Variants in WAC observed in about 807,000 individuals in gnomAD.
The protein encoded by WAC is WW domain containing adaptor with coiled-coil.
Under a neutral mutation model 79.6 loss-of-function variants are expected in WAC, and 11 were observed. The ratio of observed to expected loss-of-function variants is 0.14; its 90% CI spans 0.09 to 0.23. The LOEUF is 0.23. WAC is among the 10% of genes least tolerant of loss of function. The pLI is 1.00. For synonymous variants in WAC, 304 were observed against 276.9 expected (o/e 1.10, Z -0.97); for missense variants, 728 against 773.5 (o/e 0.94, Z 0.70).
chr10:28,542,351 G>A (rs1389915265), intron 3 of WAC, among the ~76,000 whole-genome samples: 1 of 152,162 alleles, frequency 6.6e-6, no homozygotes, highest in Non-Finnish European at 1.5e-5. Flanking sequence ...CATGACATGG[G>A]CATTTCTGAA....
At chr10:28,610,670 T>C (rs1841194340) in intron 8 of WAC, 29 bp from the exon 9 acceptor site, 1 of 1,586,050 alleles carries the variant, frequency 6.3e-7, no homozygotes, top group East Asian at 2.3e-5. Context: ...CTTGTTTTTA[T>C]ATGAATGTAT....
chr10:28,534,118 G>T, intron 2 of WAC, 84 bp downstream of exon 2: 1 of 1,341,630 alleles, frequency 7.5e-7, no homozygotes, highest in Admixed American at 2.4e-5. Flanking sequence ...GGCCTCAGAA[G>T]TCGATACAGG....
At chr10:28,610,626 C>T (rs1050633059) in intron 8 of WAC, 73 bp from the exon 9 acceptor site, 1 of 1,444,404 alleles carries the variant, frequency 6.9e-7, no homozygotes, top group African/African-American at 1.5e-5. Context: ...GAGTTCTCTT[C>T]CTTGTCAGGT....
In WAC at chr10:28,533,574, G is replaced by T. The variant is rs2132290220; in HGVS notation, c.-6G>T. On this transcript the variant is annotated 5_prime_UTR_variant, in exon 1 of 14. Transcript: ENST00000354911. Reference sequence around the variant, plus strand: ...TCCCCGACACACACTCACAGGCCGGGCATTGATGGTAATGTATGCGAGGAA... The same window carrying T: ...TCCCCGACACACACTCACAGGCCGGTCATTGATGGTAATGTATGCGAGGAA... 1 of 1,572,802 alleles carries T rather than the reference G, an allele frequency of 6.4e-7. No homozygotes were observed.
chr10:28,610,352 A>G (rs945658660), intron 8 of WAC, among the ~76,000 whole-genome samples: 5 of 152,128 alleles, frequency 3.3e-5, no homozygotes, highest in South Asian at 4.1e-4. Context: ...AATTCCATAT[A>G]ACATACTGAA....
intron 1 of WAC, 53 bp downstream of exon 1, chr10:28,533,673 G>T (rs1836415270): frequency 6.6e-7 from 1 of 1,513,182 alleles, no homozygotes; most frequent in Non-Finnish European, 8.9e-7. Flanking sequence ...GGCGGCGGGG[G>T]GGCTGTTCCT....
At chr10:28,551,646 TA>T (rs748467267) in intron 3 of WAC, among the ~76,000 whole-genome samples, 7 of 152,202 alleles carry the variant, frequency 4.6e-5, no homozygotes, top group Non-Finnish European at 1.0e-4. Flanking sequence ...TTTTAATGGT[TA>T]AACCCATCCC....
rs769561712 is a variant in WAC at position 28,608,358 on chromosome 10, A to G, written c.1092A>G (p.Arg364=). Residue 364 remains arginine, a synonymous_variant, in exon 8 of 14, where the codon AGA becomes AGG. Coordinates refer to ENST00000354911, the MANE Select transcript of WAC (RefSeq NM_016628.5). ...TACTTCAGGACCCAAATCTTCTTAGACAATTGCTTCCTGCTTTGCAAGCCA... is the reference window on the plus strand; with the variant it reads ...TACTTCAGGACCCAAATCTTCTTAGGCAATTGCTTCCTGCTTTGCAAGCCA... ...PPLLQDPNLL[R]QLLPALQATL... 9.9e-6 allele frequency: 16 copies of G among 1,614,102 alleles called. No individual in the cohort carries two copies. Among genetic ancestry groups the G allele is most frequent in the African/African-American group, 1.3e-5 (1 of 75,054 alleles).
chr10:28,585,805 T>C (rs1287548468), intron 4 of WAC, among the ~76,000 whole-genome samples: 1 of 152,022 alleles, frequency 6.6e-6, no homozygotes, highest in African/African-American at 2.4e-5. Flanking sequence ...AAAACACAAA[T>C]GCAAACAAAA....
rs1392225416 is a variant in WAC, at chr10:28,539,554, G to A, written c.274+3797G>A. On this transcript the variant is annotated intron_variant, in intron 3 of 13. Coordinates refer to ENST00000354911, the MANE Select transcript of WAC (RefSeq NM_016628.5). ...AAAGCAAAAACCTTAAGGTACAATC[G>A]TTAGGGTTTGTTTTTTGGTTTTTTT... 1.0e-4 allele frequency among the ~76,000 whole-genome samples: 11 copies of A among 109,646 alleles called. No homozygotes were observed. The East Asian group carries it at 2.3e-3, about 23-fold the overall frequency. 71.9% of individuals were successfully genotyped at this position (109,646 alleles called of 152,430 possible).
intron 3 of WAC, among the ~76,000 whole-genome samples, chr10:28,560,949 C>T (rs954988541): frequency 9.9e-5 from 15 of 151,978 alleles, no homozygotes; most frequent in East Asian, 1.9e-4. Context: ...CAAATGAGAC[C>T]GAGAAGGAGT....
At chr10:28,541,565 A>G (rs1167699878) in intron 3 of WAC, among the ~76,000 whole-genome samples, 1 of 151,660 alleles carries the variant, frequency 6.6e-6, no homozygotes, top group African/African-American at 2.4e-5. Context: ...TTGCAAATAT[A>G]TTCTATGAAC....
At chr10:28,537,163 G>A (rs1441957788) in intron 3 of WAC, among the ~76,000 whole-genome samples, 2 of 152,216 alleles carry the variant, frequency 1.3e-5, no homozygotes, top group Admixed American at 6.5e-5. Flanking sequence ...TTATAGCTTA[G>A]TGCTATTTAT....
intron 3 of WAC, among the ~76,000 whole-genome samples, chr10:28,569,978 T>G (rs1348855846): frequency 6.6e-6 from 1 of 152,202 alleles, no homozygotes; most frequent in African/African-American, 2.4e-5. Flanking sequence ...GCACCTCTGG[T>G]TGTCTCAGCA....
At chr10:28,605,816 AAGC>A (rs1386926922) in intron 7 of WAC, among the ~76,000 whole-genome samples, 1 of 152,146 alleles carries the variant, frequency 6.6e-6, no homozygotes, top group African/African-American at 2.4e-5. Flanking sequence ...TTTCTGTTAA[AAGC>A]AGAAGAAAAT....
chr10:28,615,275 A>G (rs548011030), intron 11 of WAC: 2 of 152,290 alleles, frequency 1.3e-5, no homozygotes, highest in African/African-American at 4.8e-5. Context: ...ATTTCATGCT[A>G]TGAGGTAGCA....
intron 12 of WAC, among the ~76,000 whole-genome samples, 155 bp from the exon 13 acceptor site, chr10:28,617,502 T>G (rs564834366): frequency 6.6e-6 from 1 of 152,252 alleles, no homozygotes; most frequent in Non-Finnish European, 1.5e-5. Context: ...TAAAACAAAT[T>G]AATTTTCCCC....
intron 13 of WAC, 25 bp downstream of exon 13, chr10:28,617,809 T>A (rs1032746621): frequency 1.9e-6 from 3 of 1,559,128 alleles, no homozygotes; most frequent in Admixed American, 2.2e-5. Context: ...GAAATATATT[T>A]TTATGTTTCT....
chr10:28,549,973 G>C (rs1837568301), intron 3 of WAC, among the ~76,000 whole-genome samples: 1 of 152,046 alleles, frequency 6.6e-6, no homozygotes, highest in Non-Finnish European at 1.5e-5. Flanking sequence ...GACCAGCCAG[G>C]CCAAACATGG....
Sources: allele counts gnomAD v4.1 joint callset (sites outside exome capture counted in the v4.1 genomes callset), GRCh38; gene constraint gnomAD v4.1.1; transcripts MANE v1.5; gene names NCBI Gene and HGNC (gene_info 2026-07-23, HGNC 2026-07-21).